Variants in SH3RF3 observed in about 807,000 individuals in gnomAD.
SH3RF3 encodes SH3 domain containing ring finger 3.
A neutral mutation model predicts 66.3 loss-of-function variants in SH3RF3; 29 were observed. That is an observed-to-expected ratio of 0.44 (90% CI 0.33 to 0.60). The LOEUF is 0.60. SH3RF3 is among the 20% of genes least tolerant of loss of function. The probability of loss-of-function intolerance (pLI) is 0.04; values close to 1 mark genes in which losing one functional copy is unlikely to be tolerated. For synonymous variants in SH3RF3, 583 were observed against 532.0 expected, an observed-to-expected ratio of 1.10 and a Z score of -1.32; for missense variants, 1,194 against 1,190.9, an observed-to-expected ratio of 1.00 and a Z score of -0.04.
rs1553491243 is a variant in SH3RF3 at position 109,249,523 on chromosome 2, C to CTTTCTT, written c.574-98149_574-98144dup. Among the ~76,000 whole-genome samples the CTTTCTT allele has an allele frequency of 6.3e-3, 670 of 107,152 alleles. 3 individuals carry two copies. The highest frequency in any genetic ancestry group is 9.4e-3 in the Middle Eastern group (2 of 212). 70.3% of individuals were successfully genotyped at this position (107,152 alleles called of 152,430 possible). On this transcript the variant is annotated intron_variant, in intron 1 of 9. Coordinates refer to ENST00000309415, the MANE Select transcript of SH3RF3 (RefSeq NM_001099289.3). ...TTTCTTTCTTTCATTCTTTCTTTTT[C>CTTTCTT]TTTCTTTCTTTCCTTCCTTCCTTCC...
At chr2:109,270,431 C>T (rs1471439922) in intron 1 of SH3RF3, among the ~76,000 whole-genome samples, 1 of 152,122 alleles carries the variant, frequency 6.6e-6, no homozygotes, top group Non-Finnish European at 1.5e-5. Flanking sequence ...CCTGCAGCTG[C>T]CACAGGGAAG....
At chr2:109,216,918 ATT>A (rs999366937) in intron 1 of SH3RF3, among the ~76,000 whole-genome samples, 4 of 151,680 alleles carry the variant, frequency 2.6e-5, no homozygotes, top group African/African-American at 9.7e-5. Context: ...CCAAACCGAA[ATT>A]CTGTCCCCAT....
intron 1 of SH3RF3, among the ~76,000 whole-genome samples, chr2:109,333,041 G>A (rs1362556628): frequency 6.6e-6 from 1 of 152,232 alleles, no homozygotes; most frequent in Non-Finnish European, 1.5e-5. Flanking sequence ...TTGGGAATGC[G>A]CGTGAGTGCA....
Position 109,483,117 on chromosome 2 carries a change from A to T in SH3RF3, c.2149-7488A>T, listed in dbSNP as rs926966353. Among the ~76,000 whole-genome samples the T allele has an allele frequency of 2.6e-5, 4 of 152,196 alleles. No individual in the cohort carries two copies. In the South Asian group the frequency reaches 8.3e-4, roughly 32 times the overall value. On this transcript the variant is annotated intron_variant, in intron 8 of 9. Coordinates refer to ENST00000309415, the MANE Select transcript of SH3RF3 (RefSeq NM_001099289.3). ...TAAACCCTCCTGTGCTCTTCCAGTA[A>T]CTGTTCTCAGCATAACCAGAGAGGT...
chr2:109,257,367 AGAGG>A (rs1473363877), intron 1 of SH3RF3, among the ~76,000 whole-genome samples: 2 of 146,108 alleles, frequency 1.4e-5, no homozygotes, highest in Non-Finnish European at 3.0e-5. Flanking sequence ...TGAAAGAAGG[AGAGG>A]GAGGGAGGGA....
chr2:109,432,517 G>T lies in SH3RF3; in HGVS notation c.1420G>T (p.Ala474Ser), dbSNP rs765567380. 2 of 1,613,300 alleles carry T rather than the reference G, an allele frequency of 1.2e-6. No individual in the cohort carries two copies. The highest frequency in any genetic ancestry group is 8.5e-7 in the Non-Finnish European group (1 of 1,179,756). The change falls in exon 6 of 10, where the codon GCC becomes TCC. Residue 474 changes from alanine to serine, a missense_variant. Ala to Ser is a moderately conservative substitution (Grantham distance 99). Transcript: ENST00000309415. ...LPLNVYLALYAYKPQKSDELE... is the reference protein window; with the variant it reads ...LPLNVYLALYSYKPQKSDELE... ...TGCCCGCAGGTACCTGGCGCTCTAC[G>T]CCTACAAGCCCCAGAAGAGTGACGA...
chr2:109,228,166 A>G (rs1396886659), intron 1 of SH3RF3, among the ~76,000 whole-genome samples: 1 of 152,162 alleles, frequency 6.6e-6, no homozygotes, highest in African/African-American at 2.4e-5. Context: ...CGTTTGGCAA[A>G]CATGGTGCTA....
chr2:109,387,618 A>G (rs1390961216), intron 3 of SH3RF3, among the ~76,000 whole-genome samples: 1 of 152,204 alleles, frequency 6.6e-6, no homozygotes, highest in East Asian at 1.9e-4. Flanking sequence ...TGTGAAGCCC[A>G]TCTGGGCCCC....
chr2:109,321,897 C>G (rs1038730982), intron 1 of SH3RF3, among the ~76,000 whole-genome samples: 1 of 152,178 alleles, frequency 6.6e-6, no homozygotes, highest in Non-Finnish European at 1.5e-5. Context: ...CCAGTGTGGT[C>G]AGGACTTCAG....
intron 1 of SH3RF3, among the ~76,000 whole-genome samples, chr2:109,205,450 A>G (rs1678789294): frequency 6.6e-6 from 1 of 152,058 alleles, no homozygotes; most frequent in Non-Finnish European, 1.5e-5. Context: ...GGGTTTCACC[A>G]TGTTGGCCAG....
At chr2:109,393,885 G>GA (rs36100571) in intron 3 of SH3RF3, among the ~76,000 whole-genome samples, 3,215 of 145,718 alleles carry the variant, frequency 0.022, 65 homozygotes, top group African/African-American at 0.055. Flanking sequence ...CCTTTTTTAA[G>GA]AAAAAAAAAA....
intron 1 of SH3RF3, among the ~76,000 whole-genome samples, chr2:109,323,059 AC>A (rs1209356148): frequency 2.6e-5 from 4 of 152,146 alleles, no homozygotes; most frequent in Non-Finnish European, 4.4e-5. Context: ...TTTATCAGAG[AC>A]AGGAGGGAGC....
chr2:109,151,647 C>A (rs1157888048), intron 1 of SH3RF3, among the ~76,000 whole-genome samples: 2 of 152,230 alleles, frequency 1.3e-5, no homozygotes, highest in East Asian at 3.8e-4. Flanking sequence ...TTCACCCCTG[C>A]AGTACATCTG....
At chr2:109,419,474 C>A in intron 4 of SH3RF3, 65 bp from the exon 5 acceptor site, 1 of 1,503,600 alleles carries the variant, frequency 6.7e-7, no homozygotes, top group Non-Finnish European at 9.0e-7. Context: ...CCTCATTTTG[C>A]TTTTCTCTTT....
chr2:109,466,576 A>G (rs1265714714), intron 8 of SH3RF3, among the ~76,000 whole-genome samples: 2 of 152,132 alleles, frequency 1.3e-5, no homozygotes, highest in African/African-American at 4.8e-5. Flanking sequence ...ACAAGTTGTT[A>G]ATTTTCATGG....
intron 1 of SH3RF3, among the ~76,000 whole-genome samples, chr2:109,295,912 A>G (rs1681295479): frequency 6.6e-6 from 1 of 152,158 alleles, no homozygotes; most frequent in South Asian, 2.1e-4. Context: ...TTGAGGACAG[A>G]ACCCAGCCTC....
At chr2:109,267,197 A>G (rs1423311717) in intron 1 of SH3RF3, among the ~76,000 whole-genome samples, 1 of 152,064 alleles carries the variant, frequency 6.6e-6, no homozygotes, top group Non-Finnish European at 1.5e-5. Context: ...AGGTTTCGTC[A>G]TATTTTTTAG....
rs550607719 is a variant in SH3RF3 at position 109,193,311 on chromosome 2, C to T, written c.573+63198C>T. 4.6e-5 allele frequency among the ~76,000 whole-genome samples: 7 copies of T among 152,234 alleles called. No homozygotes were observed. In the South Asian group the frequency reaches 8.3e-4, roughly 18 times the overall value. On this transcript the variant is annotated intron_variant, in intron 1 of 9. Coordinates refer to ENST00000309415, the MANE Select transcript of SH3RF3 (RefSeq NM_001099289.3). ...CTTTATTGAGACAGAATTCACATACCGTGAATTCATCCATTCAAAGTGTAC... is the reference window on the plus strand; with the variant it reads ...CTTTATTGAGACAGAATTCACATACTGTGAATTCATCCATTCAAAGTGTAC...
At chr2:109,268,635 G>C (rs903116657) in intron 1 of SH3RF3, among the ~76,000 whole-genome samples, 1 of 152,218 alleles carries the variant, frequency 6.6e-6, no homozygotes, top group East Asian at 1.9e-4. Flanking sequence ...GTGCAGAAGC[G>C]ATACACATTC....
Sources: allele counts gnomAD v4.1 joint callset (sites outside exome capture counted in the v4.1 genomes callset), GRCh38; gene constraint gnomAD v4.1.1; transcripts MANE v1.5; gene names NCBI Gene and HGNC (gene_info 2026-07-23, HGNC 2026-07-21).